Variants in FNIP1 observed in about 807,000 individuals in gnomAD.
FNIP1 encodes the protein folliculin interacting protein 1.
FNIP1 carries 40 observed loss-of-function variants against 124.5 expected under a neutral mutation model. The ratio of observed to expected loss-of-function variants is 0.32; its 90% CI spans 0.25 to 0.42. FNIP1 has a LOEUF of 0.42. Among genes scored for constraint, FNIP1 ranks in the 10% least tolerant of loss-of-function variants. The probability of loss-of-function intolerance (pLI) is 1.00; values close to 1 mark genes in which losing one functional copy is unlikely to be tolerated. For synonymous variants in FNIP1, 472 were observed against 470.6 expected (o/e 1.00, Z -0.04); for missense variants, 1,176 against 1,403.7 (o/e 0.84, Z 2.59).
intron 11 of FNIP1, among the ~76,000 whole-genome samples, chr5:131,683,907 A>G (rs1284221142): frequency 6.6e-6 from 1 of 152,202 alleles, no homozygotes. Flanking sequence ...CCCTCAATAC[A>G]TAACCTTGAT....
chr5:131,697,699 C>G (rs1450035105), intron 11 of FNIP1, among the ~76,000 whole-genome samples: 3 of 151,964 alleles, frequency 2.0e-5, no homozygotes, highest in Non-Finnish European at 4.4e-5. Flanking sequence ...GGCTCAGTGG[C>G]TCATGCCTGT....
chr5:131,737,586 T>C (rs1461328425), intron 2 of FNIP1, among the ~76,000 whole-genome samples: 1 of 152,188 alleles, frequency 6.6e-6, no homozygotes, highest in African/African-American at 2.4e-5. Context: ...AATGAAGTCC[T>C]TTCATGGCAA....
rs985482275 is a variant in FNIP1 at position 131,790,441 on chromosome 5, C to T, written c.92+6389G>A. Among the ~76,000 whole-genome samples, 7 of 144,154 alleles carry T rather than the reference C, an allele frequency of 4.9e-5. 1 individual carries two copies. The highest frequency in any genetic ancestry group is 3.7e-4 in the Admixed American group (5 of 13,618). The allele number at this position is 144,154 out of a possible 152,430, so 94.6% of individuals were successfully genotyped here. On this transcript the variant is annotated intron_variant, in intron 1 of 17. Coordinates refer to ENST00000510461, the MANE Select transcript of FNIP1 (RefSeq NM_133372.3). ...TTGCAGTGACCCAAGATCGCACCAC[C>T]GCTCTCCCGCCTGGGCGATAGAGCA...
intron 3 of FNIP1, among the ~76,000 whole-genome samples, chr5:131,719,697 C>T (rs1036698798): frequency 3.9e-5 from 6 of 152,158 alleles, no homozygotes; most frequent in East Asian, 3.9e-4. Flanking sequence ...CCTTTACTCA[C>T]GGGCATTTAA....
rs1232006458 is a variant in FNIP1, at chr5:131,641,826, T to C, written c.*2859A>G. The stretch of plus-strand genomic sequence containing the variant: ...AGAACAAGAAACAGCTATGTACATA[T>C]CCAACATCTAAGTAACTTAGAAAAA... On this transcript the variant is annotated 3_prime_UTR_variant, in exon 18 of 18. Transcript: ENST00000510461. 1 of 152,672 alleles carries C rather than the reference T, an allele frequency of 6.5e-6. No individual in the cohort carries two copies. Among genetic ancestry groups the C allele is most frequent in the Non-Finnish European group, 1.5e-5 (1 of 68,018 alleles). 9.5% of individuals were successfully genotyped at this position (152,672 alleles called of 1,614,324 possible).
chr5:131,657,488 G>A (rs1767231838), intron 15 of FNIP1, among the ~76,000 whole-genome samples: 1 of 151,938 alleles, frequency 6.6e-6, no homozygotes, highest in Admixed American at 6.6e-5. Flanking sequence ...GTGCCATAAG[G>A]ACCATTAAAC....
intron 15 of FNIP1, among the ~76,000 whole-genome samples, chr5:131,664,354 A>G (rs1472371355): frequency 1.3e-5 from 2 of 152,222 alleles, no homozygotes; most frequent in Admixed American, 1.3e-4. Flanking sequence ...ACACTAATGC[A>G]AAGGTGAAAC....
At chr5:131,654,182 TACAA>T (rs1246768268) in intron 15 of FNIP1, among the ~76,000 whole-genome samples, 1 of 152,224 alleles carries the variant, frequency 6.6e-6, no homozygotes, top group African/African-American at 2.4e-5. Context: ...TCCCCCGGTT[TACAA>T]ACAAAGACCA....
At chr5:131,696,406 T>C (rs1768690997) in intron 11 of FNIP1, among the ~76,000 whole-genome samples, 1 of 151,862 alleles carries the variant, frequency 6.6e-6, no homozygotes, top group Non-Finnish European at 1.5e-5. Context: ...TAACTTTGCA[T>C]ATAATTCAGA....
chr5:131,668,610 G>A (rs1435858473), intron 15 of FNIP1, among the ~76,000 whole-genome samples: 1 of 152,156 alleles, frequency 6.6e-6, no homozygotes, highest in African/African-American at 2.4e-5. Flanking sequence ...ACTTGAACCT[G>A]GGAGGCAGAA....
rs144448122 is a variant in FNIP1 at position 131,671,732 on chromosome 5, G to C, written c.2712C>G (p.Asp904Glu). The C allele has an allele frequency of 7.2e-4, 1,166 of 1,614,062 alleles. 2 individuals are homozygous for C. Among genetic ancestry groups the C allele is most frequent in the Middle Eastern group, 2.0e-3 (12 of 6,062 alleles). The stretch of plus-strand genomic sequence containing the variant: ...CAAGAATGGAGAGTGTATCTCTTTG[G>C]TCCTGCTGAGGAAAGCAGGTTTTAC... ...DSCKTCFPQQDQRDTLSILVP... is the reference protein window; with the variant it reads ...DSCKTCFPQQEQRDTLSILVP... Residue 904 changes from aspartate to glutamate, a missense_variant, in exon 14 of 18, where the codon GAC (aspartate) becomes GAG (glutamate). Coordinates refer to ENST00000510461, the MANE Select transcript of FNIP1 (RefSeq NM_133372.3).
chr5:131,702,719 T>G (rs1768942806), intron 10 of FNIP1, among the ~76,000 whole-genome samples: 1 of 152,208 alleles, frequency 6.6e-6, no homozygotes, highest in South Asian at 2.1e-4. Flanking sequence ...ATTTCACAAT[T>G]TACTATACAT....
intron 1 of FNIP1, among the ~76,000 whole-genome samples, chr5:131,780,472 ATTTTATTTTTAT>A (rs904071186): frequency 2.6e-5 from 4 of 151,720 alleles, no homozygotes; most frequent in African/African-American, 9.7e-5. Context: ...TTTTATTTTT[ATTTTATTTTTAT>A]TTTTATTTTT....
chr5:131,711,255 A>T (rs1769282743), intron 6 of FNIP1, among the ~76,000 whole-genome samples: 1 of 152,214 alleles, frequency 6.6e-6, no homozygotes, highest in Admixed American at 6.5e-5. Flanking sequence ...TGGAAGGAGG[A>T]ACACAAATGA....
intron 2 of FNIP1, among the ~76,000 whole-genome samples, chr5:131,743,091 A>G (rs1770563953): frequency 6.6e-6 from 1 of 152,214 alleles, no homozygotes; most frequent in African/African-American, 2.4e-5. Context: ...GTAAAGAATT[A>G]TGAGAATTCT....
At chr5:131,670,696 A>G in intron 14 of FNIP1, 65 bp from the exon 15 acceptor site, 1 of 1,244,738 alleles carries the variant, frequency 8.0e-7, no homozygotes, top group Non-Finnish European at 1.1e-6. Flanking sequence ...AGTAAAAAAA[A>G]AAAAAAGTGA....
chr5:131,785,403 A>C (rs1446466358), intron 1 of FNIP1, among the ~76,000 whole-genome samples: 1 of 151,636 alleles, frequency 6.6e-6, no homozygotes, highest in East Asian at 1.9e-4. Context: ...AAAAATACAA[A>C]AATTGGCCGG....
chr5:131,760,918 G>C (rs1205279744), intron 1 of FNIP1, among the ~76,000 whole-genome samples: 1 of 141,170 alleles, frequency 7.1e-6, no homozygotes, highest in Non-Finnish European at 1.6e-5. Context: ...GGGAGGGAGG[G>C]AAGGAGGGAG....
rs139608056 is a variant in FNIP1, at chr5:131,719,545, C to T, written c.355-128G>A. ...AAGAGTTGTACTTCTACACTGTATA[C>T]GCTGTTCTGCAACTCGATTTTCTTC... On this transcript the variant is annotated intron_variant, in intron 3 of 17. Coordinates refer to ENST00000510461, the MANE Select transcript of FNIP1 (RefSeq NM_133372.3). 1.8e-3 allele frequency: 1,335 copies of T among 725,740 alleles called. 14 individuals are homozygous for T. The African/African-American group carries it at 0.021, about 12-fold the overall frequency. 45.0% of individuals were successfully genotyped at this position (725,740 alleles called of 1,614,324 possible). A position where few individuals can be genotyped will look rare whatever the true frequency, so the allele number is the denominator to read the frequency against.
Sources: gnomAD v4.1 joint callset for allele counts (sites outside exome capture counted in the v4.1 genomes callset) on GRCh38, gnomAD v4.1.1 for gene constraint, MANE v1.5 for transcripts, NCBI Gene and HGNC (gene_info 2026-07-23, HGNC 2026-07-21) for gene names.